NNT: variants seen among roughly 807,000 people sequenced by gnomAD.
NNT encodes the protein NAD(P) transhydrogenase, mitochondrial.
Under a neutral mutation model 104.8 loss-of-function variants are expected in NNT, and 50 were observed. The observed-to-expected ratio is 0.48, with a 90% confidence interval of 0.38 to 0.60. NNT has a LOEUF of 0.60. Ranked by LOEUF, NNT falls within the 20% of genes least tolerant of loss-of-function variation. The pLI is 0.00. For missense variants in NNT, 1,131 were observed against 1,330.7 expected (o/e 0.85, Z 2.33); for synonymous variants, 461 against 490.4 (o/e 0.94, Z 0.79).
chr5:43,687,950 TAAAC>T (rs1487485223), intron 19 of NNT, among the ~76,000 whole-genome samples: 1 of 152,018 alleles, frequency 6.6e-6, no homozygotes, highest in Non-Finnish European at 1.5e-5. Context: ...CAAATAAAAT[TAAAC>T]AAAATAAGCT....
At chr5:43,667,860 G>C (rs1740799476) in intron 17 of NNT, among the ~76,000 whole-genome samples, 1 of 152,158 alleles carries the variant, frequency 6.6e-6, no homozygotes, top group Non-Finnish European at 1.5e-5. Flanking sequence ...TTCCTCAATG[G>C]TTGAACTAGT....
intron 7 of NNT, among the ~76,000 whole-genome samples, chr5:43,637,885 T>A (rs1008711062): frequency 6.6e-6 from 1 of 152,108 alleles, no homozygotes; most frequent in African/African-American, 2.4e-5. Flanking sequence ...ACTAATAAGG[T>A]GATAAGATTA....
chr5:43,604,000 T>C (rs969789091), intron 1 of NNT, among the ~76,000 whole-genome samples: 3 of 152,096 alleles, frequency 2.0e-5, no homozygotes, highest in Non-Finnish European at 2.9e-5. Context: ...CTAGGGAGGT[T>C]ATAAATAGCG....
intron 2 of NNT, among the ~76,000 whole-genome samples, chr5:43,610,727 C>T (rs546234700): frequency 6.6e-6 from 1 of 152,304 alleles, no homozygotes; most frequent in Admixed American, 6.5e-5. Flanking sequence ...CCAACTTTAT[C>T]TTCAGATGCT....
chr5:43,630,832 A>T (rs1252169470), intron 7 of NNT, among the ~76,000 whole-genome samples: 3 of 152,194 alleles, frequency 2.0e-5, no homozygotes, highest in Non-Finnish European at 2.9e-5. Flanking sequence ...GGGTCATATA[A>T]TGAGAGCTTA....
At chr5:43,698,820 A>G (rs1437983426) in intron 19 of NNT, among the ~76,000 whole-genome samples, 2 of 151,382 alleles carry the variant, frequency 1.3e-5, no homozygotes, top group Admixed American at 1.3e-4. Context: ...ATATGCATAC[A>G]TACACATATA....
intron 21 of NNT, among the ~76,000 whole-genome samples, chr5:43,703,048 C>T (rs1742941212): frequency 6.6e-6 from 1 of 152,166 alleles, no homozygotes; most frequent in African/African-American, 2.4e-5. Context: ...AGATCGAGTC[C>T]TGTGAAGCAG....
intron 17 of NNT, chr5:43,666,829 G>T: frequency 7.2e-7 from 1 of 1,381,970 alleles, no homozygotes; most frequent in Admixed American, 1.7e-5. Flanking sequence ...TGAAGCTGGA[G>T]CTGCAGCCTG....
chr5:43,640,769 C>A (rs1487187936), intron 7 of NNT, among the ~76,000 whole-genome samples: 2 of 150,918 alleles, frequency 1.3e-5, no homozygotes, highest in Non-Finnish European at 3.0e-5. Flanking sequence ...GTGAGCTTTT[C>A]ATCAATTTTT....
chr5:43,608,625 G>C (rs1749346300), intron 1 of NNT, among the ~76,000 whole-genome samples: 1 of 152,120 alleles, frequency 6.6e-6, no homozygotes, highest in African/African-American at 2.4e-5. Flanking sequence ...GGTCTCAGTG[G>C]ATAAGCATCC....
In NNT at chr5:43,618,999, A is replaced by ATTAT. The variant is rs372737896; in HGVS notation, c.600-10_600-7dup. The ATTAT allele has an allele frequency of 2.5e-3, 3,023 of 1,211,676 alleles. 44 individuals are homozygous for ATTAT. The African/African-American group carries it at 0.03, about 12-fold the overall frequency. 75.1% of individuals were successfully genotyped at this position (1,211,676 alleles called of 1,614,324 possible). On this transcript the variant is annotated intron_variant, in intron 4 of 21. Transcript: ENST00000344920. Reference sequence around the variant, plus strand: ...AGTCTGAGATCTCTCCTTTTATGGAATTATTTATTTATTTATTTATTTATT... The same window carrying ATTAT: ...AGTCTGAGATCTCTCCTTTTATGGAATTATTTATTTATTTATTTATTTATTTATT...
At position 43,700,204 on chromosome 5, in the gene NNT, T is replaced by G. The variant is rs982376851; in HGVS notation, c.2962T>G (p.Leu988Val). The G allele has an allele frequency of 2.5e-6, 4 of 1,613,548 alleles. No individual in the cohort carries two copies. The African/African-American group carries it at 4.0e-5, about 16-fold the overall frequency. ...GGCTGGTGTGCCATATGACATTGTG[T>G]TGGAAATGGATGAGATCAACCATGA... ...AEAGVPYDIVLEMDEINHDFP... is the reference protein window; with the variant it reads ...AEAGVPYDIVVEMDEINHDFP... Residue 988 changes from leucine to valine, a missense_variant, in exon 20 of 22, where the codon TTG becomes GTG. Coordinates refer to ENST00000344920, the MANE Select transcript of NNT (RefSeq NM_182977.3).
At chr5:43,613,162 A>G in intron 3 of NNT, 25 bp downstream of exon 3, 1 of 1,535,842 alleles carries the variant, frequency 6.5e-7, no homozygotes. Flanking sequence ...TTCCTCTCCC[A>G]TTTACAGCAT....
chr5:43,682,906 AATTG>A (rs1159460540), intron 19 of NNT, among the ~76,000 whole-genome samples: 1 of 152,234 alleles, frequency 6.6e-6, no homozygotes, highest in Non-Finnish European at 1.5e-5. Flanking sequence ...TTAGTTAATT[AATTG>A]ATTAATTAAT....
rs192636077 is a variant in NNT at position 43,678,802 on chromosome 5, T to C, written c.2876+996T>C. On this transcript the variant is annotated intron_variant, in intron 19 of 21. Coordinates refer to ENST00000344920, the MANE Select transcript of NNT (RefSeq NM_182977.3). The stretch of plus-strand genomic sequence containing the variant: ...CTAGTAGTGGTGAAAGAAACTTAGA[T>C]GATGAAATCAGGGGGCTACCTTAAT... Among the ~76,000 whole-genome samples, 205 of 152,326 alleles carry C rather than the reference T, an allele frequency of 1.3e-3. 1 individual carries two copies. The highest frequency in any genetic ancestry group is 4.5e-3 in the African/African-American group (187 of 41,578).
intron 19 of NNT, among the ~76,000 whole-genome samples, chr5:43,696,146 C>T (rs947920121): frequency 5.3e-5 from 8 of 152,168 alleles, no homozygotes; most frequent in Non-Finnish European, 1.0e-4. Context: ...AGGCAAGTCC[C>T]TTCTGCCTAT....
intron 21 of NNT, 125 bp from the exon 22 acceptor site, chr5:43,704,130 C>T: frequency 8.7e-6 from 6 of 692,676 alleles, no homozygotes; most frequent in Middle Eastern, 6.9e-4. Context: ...TTTAAAGTCC[C>T]TGCACTAAAG....
At chr5:43,639,921 A>AT (rs140770031) in intron 7 of NNT, among the ~76,000 whole-genome samples, 10,058 of 149,900 alleles carry the variant, frequency 0.067, 550 homozygotes, top group African/African-American at 0.15. Context: ...ACAGTGACTG[A>AT]TTTTTTTTTT....
chr5:43,667,337 A>G (rs1220723692), intron 17 of NNT: 10 of 560,238 alleles, frequency 1.8e-5, no homozygotes, highest in Admixed American at 3.0e-5. Context: ...TTTGTTACAT[A>G]TGTATACATG....
Sources: allele counts gnomAD v4.1 joint callset (sites outside exome capture counted in the v4.1 genomes callset), GRCh38; gene constraint gnomAD v4.1.1; transcripts MANE v1.5; gene names NCBI Gene and HGNC (gene_info 2026-07-23, HGNC 2026-07-21).